Variants in NEMF observed in about 807,000 individuals in gnomAD.
NEMF encodes ribosome quality control complex subunit NEMF.
Under a neutral mutation model 162.2 loss-of-function variants are expected in NEMF, and 89 were observed. The observed-to-expected ratio is 0.55, with a 90% CI of 0.46 to 0.65. NEMF has a LOEUF of 0.65. Among genes scored for constraint, NEMF ranks in the 30% least tolerant of loss-of-function variants. The pLI is 0.00. For missense variants in NEMF, 1,133 were observed against 1,261.9 expected, an observed-to-expected ratio of 0.90 and a Z score of 1.55; for synonymous variants, 421 against 404.5, an observed-to-expected ratio of 1.04 and a Z score of -0.49.
At chr14:49,845,235 G>A (rs1394272982) in intron 4 of NEMF, among the ~76,000 whole-genome samples, 1 of 152,074 alleles carries the variant, frequency 6.6e-6, no homozygotes, top group Non-Finnish European at 1.5e-5. Context: ...TGGGATTATA[G>A]GTGCCCGCCA....
At chr14:49,841,436 T>C (rs1253671585) in intron 4 of NEMF, among the ~76,000 whole-genome samples, 19 of 151,070 alleles carry the variant, frequency 1.3e-4, no homozygotes, top group Admixed American at 1.3e-3. Flanking sequence ...TAGTTGGGCG[T>C]GGTGGTGCAT....
intron 10 of NEMF, 145 bp downstream of exon 10, chr14:49,831,906 T>A (rs1407644131): frequency 1.0e-5 from 6 of 593,062 alleles, no homozygotes; most frequent in Non-Finnish European, 1.8e-5. Flanking sequence ...CCAACAGCTG[T>A]ATCTGTGACG....
rs574566581 is a variant in NEMF, at chr14:49,834,213, C to T, written c.661+150G>A. On this transcript the variant is annotated intron_variant, in intron 7 of 32. Transcript: ENST00000298310. ...TTAAGTGATCCTCCCACCTTAGCCTCCCAAAGTGCTGGGATTGCAGGCATG... is the reference window on the plus strand; with the variant it reads ...TTAAGTGATCCTCCCACCTTAGCCTTCCAAAGTGCTGGGATTGCAGGCATG... The T allele has an allele frequency of 1.6e-5, 10 of 617,186 alleles. No homozygotes were observed. The East Asian group carries it at 2.4e-4, about 15-fold the overall frequency. 38.2% of individuals were successfully genotyped at this position (617,186 alleles called of 1,614,324 possible).
rs1219496185 is a variant in NEMF, at chr14:49,806,230, G to GTATA, written c.1745-98_1745-97insTATA. 49 of 104,322 alleles carry GTATA rather than the reference G, an allele frequency of 4.7e-4. No individual in the cohort carries two copies. The African/African-American group carries it at 7.0e-3, about 15-fold the overall frequency. The allele number at this position is 104,322 out of a possible 1,614,324, so 6.5% of individuals were successfully genotyped here. A position where few individuals can be genotyped will look rare whatever the true frequency, so the allele number is the denominator to read the frequency against. ...TGCCGCATGACAGGGTCAATGATAT[G>GTATA]TGTATATATATATATATATATATAT... is the stretch of plus-strand genomic sequence containing the variant. On this transcript the variant is annotated intron_variant, in intron 18 of 32. Coordinates refer to ENST00000298310, the MANE Select transcript of NEMF (RefSeq NM_004713.6).
At chr14:49,815,126 T>C (rs1016732467) in intron 16 of NEMF, among the ~76,000 whole-genome samples, 3 of 152,208 alleles carry the variant, frequency 2.0e-5, no homozygotes, top group African/African-American at 7.2e-5. Context: ...CTTCTAACAA[T>C]AAATTTCATA....
chr14:49,828,731 G>T lies in NEMF; in HGVS notation c.1309C>A (p.Pro437Thr). The T allele has an allele frequency of 6.3e-7, 1 of 1,596,672 alleles. No individual in the cohort carries two copies. The highest frequency in any genetic ancestry group is 1.7e-5 in the Admixed American group (1 of 57,414). Residue 437 changes from proline to threonine, a missense_variant, in exon 14 of 33, where the codon CCA becomes ACA. Transcript: ENST00000298310. ...DVNVEKNETE[P>T]PKGKKKKQKN... ...TGTTTTTTCTTTTTTCCTTTTGGTG[G>T]TTCAGTTTCATTTTTCTCAACATTG...
intron 6 of NEMF, among the ~76,000 whole-genome samples, chr14:49,837,282 A>T (rs1892951833): frequency 6.6e-6 from 1 of 152,172 alleles, no homozygotes; most frequent in South Asian, 2.1e-4. Flanking sequence ...CTCAAAAATA[A>T]TAGTAATTTT....
At chr14:49,836,997 A>G (rs544002914) in intron 6 of NEMF, among the ~76,000 whole-genome samples, 1 of 152,308 alleles carries the variant, frequency 6.6e-6, no homozygotes, top group Non-Finnish European at 1.5e-5. Context: ...ACTTCAGGCC[A>G]GGCACGGTGC....
chr14:49,800,658 G>A lies in NEMF; in HGVS notation c.2134C>T (p.His712Tyr), dbSNP rs772393353. The A allele has an allele frequency of 1.2e-6, 2 of 1,613,856 alleles. No homozygotes were observed. Among genetic ancestry groups the A allele is most frequent in the Non-Finnish European group, 1.7e-6 (2 of 1,179,922 alleles). ...DTSSDEDKEEHETPVEVELMT... is the reference protein window; with the variant it reads ...DTSSDEDKEEYETPVEVELMT... ...AGTTCTACTTCCACAGGAGTTTCAT[G>A]TTCTTCTTTATCCTCATCACTGCTC... The change falls in exon 23 of 33, where the codon CAT becomes TAT. Residue 712 changes from histidine (H) to tyrosine (Y), a missense_variant. His to Tyr is a moderately conservative substitution (Grantham distance 83). Transcript: ENST00000298310.
intron 3 of NEMF, among the ~76,000 whole-genome samples, chr14:49,848,388 A>G (rs541308170): frequency 6.6e-6 from 1 of 152,280 alleles, no homozygotes; most frequent in African/African-American, 2.4e-5. Flanking sequence ...ACTCTTTTAG[A>G]TTACATGTAC....
At chr14:49,819,392 CATATATATAT>C (rs10596408) in intron 16 of NEMF, among the ~76,000 whole-genome samples, 7,527 of 147,096 alleles carry the variant, frequency 0.051, 238 homozygotes, top group African/African-American at 0.086. Flanking sequence ...TATTATAGAC[CATATATATAT>C]ATATATATAT....
chr14:49,812,398 T>C (rs1891519719), intron 18 of NEMF, among the ~76,000 whole-genome samples: 1 of 152,268 alleles, frequency 6.6e-6, no homozygotes, highest in African/African-American at 2.4e-5. Flanking sequence ...TTTTTCCTAT[T>C]CTCTGTTTTG....
In NEMF at chr14:49,784,532, T is replaced by C; in HGVS notation, c.*104A>G. On this transcript the variant is annotated 3_prime_UTR_variant, in exon 33 of 33. Transcript: ENST00000298310. ...TGAATATAGCAAGGCAATGTTTAGT[T>C]CATTTTTATAATGCGGAAATCCTGA... 2 of 780,536 alleles carry C rather than the reference T, an allele frequency of 2.6e-6. No individual in the cohort carries two copies. The highest frequency in any genetic ancestry group is 4.2e-6 in the Non-Finnish European group (2 of 474,860). 48.4% of individuals were successfully genotyped at this position (780,536 alleles called of 1,614,324 possible).
rs1362765018 is a variant in NEMF, at chr14:49,821,299, C to T, written c.1577+4568G>A. ...CCCCCGCCCGGCCAGCCGCCCCGTCCGGGAGGGAGGTGGGGGGGGTCAGCC... is the reference window on the plus strand; with the variant it reads ...CCCCCGCCCGGCCAGCCGCCCCGTCTGGGAGGGAGGTGGGGGGGGTCAGCC... On this transcript the variant is annotated intron_variant, in intron 16 of 32. Transcript: ENST00000298310. Among the ~76,000 whole-genome samples the T allele has an allele frequency of 2.4e-3, 23 of 9,688 alleles. 9 individuals carry two copies. The highest frequency in any genetic ancestry group is 6.0e-3 in the Admixed American group (3 of 498). The allele number at this position is 9,688 out of a possible 152,430, so 6.4% of individuals were successfully genotyped here. A position where few individuals can be genotyped will look rare whatever the true frequency, so the allele number is the denominator to read the frequency against.
At position 49,784,449 on chromosome 14, in the gene NEMF, C is replaced by A; in HGVS notation, c.*187G>T. The A allele has an allele frequency of 1.9e-6, 1 of 524,854 alleles. No individual in the cohort carries two copies. The highest frequency in any genetic ancestry group is 3.4e-6 in the Non-Finnish European group (1 of 296,670). The allele number at this position is 524,854 out of a possible 1,614,324, so 32.5% of individuals were successfully genotyped here. A position where few individuals can be genotyped will look rare whatever the true frequency, so the allele number is the denominator to read the frequency against. On this transcript the variant is annotated 3_prime_UTR_variant, in exon 33 of 33. Transcript: ENST00000298310. ...CCACAAATACTTTTGGAAATCCTAT[C>A]ATAGACAGTGTTTCCTCTATATAAA...
At chr14:49,852,664 C>T (rs767389937) in intron 1 of NEMF, 31 bp downstream of exon 1, 1 of 1,613,192 alleles carries the variant, frequency 6.2e-7, no homozygotes, top group South Asian at 1.1e-5. Context: ...CTGCACTCCC[C>T]ACACGAGCCT....
intron 16 of NEMF, among the ~76,000 whole-genome samples, chr14:49,816,151 G>C (rs2139910767): frequency 6.6e-6 from 1 of 152,280 alleles, no homozygotes. Context: ...GTTGCGGGAA[G>C]TCAGGGACCC....
chr14:49,818,648 T>A (rs1397293737), intron 16 of NEMF, among the ~76,000 whole-genome samples: 1 of 152,026 alleles, frequency 6.6e-6, no homozygotes, highest in African/African-American at 2.4e-5. Context: ...CTAGAAAGGG[T>A]ATAAAGAAGA....
At chr14:49,819,909 T>C (rs1891912482) in intron 16 of NEMF, among the ~76,000 whole-genome samples, 1 of 152,068 alleles carries the variant, frequency 6.6e-6, no homozygotes, top group African/African-American at 2.4e-5. Context: ...GGGAAATGAT[T>C]TCAGAGGATT....
Sources: allele counts gnomAD v4.1 joint callset (sites outside exome capture counted in the v4.1 genomes callset), GRCh38; gene constraint gnomAD v4.1.1; transcripts MANE v1.5; gene names NCBI Gene and HGNC (gene_info 2026-07-23, HGNC 2026-07-21).